Variants in PCM1 observed in about 807,000 individuals in gnomAD.
PCM1 encodes the protein pericentriolar material 1 protein.
In PCM1, 157 loss-of-function variants were observed where a neutral mutation model predicts 241.9. That is an observed-to-expected ratio of 0.65 (90% CI 0.57 to 0.74). The LOEUF (loss-of-function observed/expected upper bound fraction) is 0.74, where lower values mean the gene tolerates loss of function less well. PCM1 is among the 30% of genes least tolerant of loss of function. The probability of loss-of-function intolerance (pLI) is 0.00; values close to 1 mark genes in which losing one functional copy is unlikely to be tolerated. For missense variants in PCM1, 3,478 were observed against 2,360.1 expected, an observed-to-expected ratio of 1.47 and a Z score of -9.81; for synonymous variants, 1,085 against 784.9, an observed-to-expected ratio of 1.38 and a Z score of -6.39.
At chr8:17,997,922 G>A (rs1305894470) in intron 29 of PCM1, among the ~76,000 whole-genome samples, 4 of 151,296 alleles carry the variant, frequency 2.6e-5, no homozygotes, top group Non-Finnish European at 1.5e-5. Flanking sequence ...TATAATGACA[G>A]CTACTTGGGA....
chr8:17,968,053 G>A (rs1423588902), intron 21 of PCM1, among the ~76,000 whole-genome samples: 10 of 123,928 alleles, frequency 8.1e-5, no homozygotes, highest in African/African-American at 3.7e-4. Flanking sequence ...CAGTTCCGCC[G>A]CCAAAAAAAA....
chr8:18,025,632 GA>G lies in PCM1; in HGVS notation c.6026del (p.Asn2009IlefsTer5), dbSNP rs1256177855. 1 of 1,566,306 alleles carries G rather than the reference GA, an allele frequency of 6.4e-7. No individual in the cohort carries two copies. The highest frequency in any genetic ancestry group is 8.7e-7 in the Non-Finnish European group (1 of 1,153,066). On this transcript the variant is annotated frameshift_variant, in exon 38 of 39. Transcript: ENST00000325083. LOFTEE classifies it high-confidence loss of function. ...ICEMQTEELA[G>X]NSETLKEPET... is the part of the protein sequence containing the mutation. ...GAAATGCAGACCGAAGAATTAGCTG[GA>G]AATTCTGAGACACTAAAAGAACCTG... is the stretch of plus-strand genomic sequence containing the variant.
At chr8:17,993,651 C>G (rs1360576767) in intron 29 of PCM1, 32 bp downstream of exon 29, 2 of 1,529,878 alleles carry the variant, frequency 1.3e-6, no homozygotes, top group Admixed American at 4.0e-5. Flanking sequence ...TAAACGAAAC[C>G]TTCTATGTTT....
chr8:17,941,488 A>G (rs1202381239), intron 6 of PCM1, among the ~76,000 whole-genome samples: 1 of 151,200 alleles, frequency 6.6e-6, no homozygotes, highest in Non-Finnish European at 1.5e-5. Flanking sequence ...AAAAGACTAA[A>G]TATACTGCTG....
chr8:18,003,151 T>C (rs2090172854), intron 29 of PCM1, among the ~76,000 whole-genome samples: 1 of 152,228 alleles, frequency 6.6e-6, no homozygotes, highest in Non-Finnish European at 1.5e-5. Context: ...CATGCTAAAA[T>C]ACAAGATCCA....
At chr8:17,994,635 G>C (rs1034899194) in intron 29 of PCM1, among the ~76,000 whole-genome samples, 8 of 152,184 alleles carry the variant, frequency 5.3e-5, no homozygotes, top group Non-Finnish European at 1.2e-4. Context: ...CAGAGGGGTT[G>C]TACTAATTTA....
chr8:17,994,246 T>C (rs1348814733), intron 29 of PCM1, among the ~76,000 whole-genome samples: 1 of 152,212 alleles, frequency 6.6e-6, no homozygotes, highest in Admixed American at 6.5e-5. Flanking sequence ...TAAATTGTTT[T>C]AATTTTTAGC....
chr8:17,950,811 A>G, intron 8 of PCM1, 87 bp downstream of exon 8: 1 of 762,914 alleles, frequency 1.3e-6, no homozygotes, highest in Non-Finnish European at 2.3e-6. Flanking sequence ...CATACATATC[A>G]CCTGGCATGA....
intron 38 of PCM1, among the ~76,000 whole-genome samples, chr8:18,025,907 G>T (rs1456711973): frequency 6.6e-6 from 1 of 152,022 alleles, no homozygotes; most frequent in African/African-American, 2.4e-5. Context: ...GCTCACGCCT[G>T]TAATCCCAGC....
At position 17,985,544 on chromosome 8, in the gene PCM1, T is replaced by C; in HGVS notation, c.4206T>C (p.Phe1402=). ...LISQNESRPH[F]LIELFHELQL... ...CTCAAAATGAATCTCGTCCACATTT[T>C]CTTATTGAACTCTTCCATGAGCTGC... Residue 1402 remains phenylalanine, a synonymous_variant, in exon 25 of 39, where the codon TTT becomes TTC. Coordinates refer to ENST00000325083, the MANE Select transcript of PCM1 (RefSeq NM_006197.4). The C allele has an allele frequency of 6.2e-7, 1 of 1,600,404 alleles. No homozygotes were observed. Among genetic ancestry groups the C allele is most frequent in the Non-Finnish European group, 8.5e-7 (1 of 1,172,170 alleles).
At position 18,011,262 on chromosome 8, in the gene PCM1, A is replaced by T. The variant is rs555034071; in HGVS notation, c.5246A>T (p.Lys1749Met). The T allele has an allele frequency of 6.2e-5, 99 of 1,606,332 alleles. 1 individual carries two copies. In the South Asian group the frequency reaches 1.1e-3, roughly 18 times the overall value. Residue 1749 changes from lysine to methionine, a missense_variant, in exon 33 of 39, where the codon AAG becomes ATG. Physicochemically the swap from Lys to Met is moderately conservative, Grantham distance 95 (BLOSUM62 -1). Transcript: ENST00000325083. Reference sequence around the variant, plus strand: ...GACAAGGATGAAACTGAAACAGTTAAGCAGACTCAAACATCTGAGGTGTAT... The same window carrying T: ...GACAAGGATGAAACTGAAACAGTTATGCAGACTCAAACATCTGAGGTGTAT... ...DKDKDETETV[K>M]QTQTSEVYDG... is the part of the protein sequence containing the mutation.
At position 17,995,527 on chromosome 8, in the gene PCM1, C is replaced by G. The variant is rs187760178; in HGVS notation, c.4827+1908C>G. The stretch of plus-strand genomic sequence containing the variant: ...GATTCTTCCAGTTTTGTTCTTTTTG[C>G]TCAAGATAGCTTTGGCTGTTCTGAG... On this transcript the variant is annotated intron_variant, in intron 29 of 38. Coordinates refer to ENST00000325083, the MANE Select transcript of PCM1 (RefSeq NM_006197.4). Among the ~76,000 whole-genome samples the G allele has an allele frequency of 3.4e-4, 52 of 151,440 alleles. 1 individual carries two copies. The East Asian group carries it at 6.2e-3, about 18-fold the overall frequency.
chr8:18,007,062 A>G (rs1219307862), intron 30 of PCM1, among the ~76,000 whole-genome samples: 1 of 152,216 alleles, frequency 6.6e-6, no homozygotes. Context: ...AGGTTGAGAA[A>G]TCCCATGTTA....
intron 23 of PCM1, among the ~76,000 whole-genome samples, chr8:17,979,066 A>G (rs1216285476): frequency 1.3e-5 from 2 of 151,778 alleles, no homozygotes; most frequent in Non-Finnish European, 2.9e-5. Flanking sequence ...GGAGTTTGCA[A>G]TGAGCCAAGA....
chr8:17,969,550 C>T (rs769799943), intron 21 of PCM1, 27 bp from the exon 22 acceptor site: 202 of 1,464,720 alleles, frequency 1.4e-4, no homozygotes, highest in East Asian at 3.4e-4. Context: ...ATTTATTTTT[C>T]TCTTACCCAT....
rs369538919 is a variant in PCM1 at position 17,980,732 on chromosome 8, A to G, written c.4085A>G (p.Asn1362Ser). 4.4e-5 allele frequency: 71 copies of G among 1,610,390 alleles called. No individual in the cohort carries two copies. The highest frequency in any genetic ancestry group is 5.9e-5 in the Non-Finnish European group (69 of 1,178,886). The change falls in exon 24 of 39, where the codon AAT (asparagine) becomes AGT (serine). Residue 1362 changes from asparagine to serine, a missense_variant. Transcript: ENST00000325083. ...HEQLEKIIKC[N>S]RSTEISSETG... is the part of the protein sequence containing the mutation. ...CAACTGGAAAAAATAATAAAATGTA[A>G]TAGGTCTACAGAAATATCTTCAGGT...
chr8:17,951,745 G>C (rs996076763), intron 8 of PCM1, among the ~76,000 whole-genome samples: 2 of 152,156 alleles, frequency 1.3e-5, no homozygotes, highest in African/African-American at 4.8e-5. Flanking sequence ...TACCTTTGGA[G>C]TGGGTAATGA....
At chr8:17,980,251 G>T (rs1048555833) in intron 23 of PCM1, 5 of 173,410 alleles carry the variant, frequency 2.9e-5, no homozygotes, top group African/African-American at 1.2e-4. Flanking sequence ...GTATATATCG[G>T]ATGTGATTCT....
chr8:18,026,402 C>T lies in PCM1; in HGVS notation c.6049+744C>T, dbSNP rs939949367. Among the ~76,000 whole-genome samples, 10 of 150,236 alleles carry T rather than the reference C, an allele frequency of 6.7e-5. No individual in the cohort carries two copies. The East Asian group carries it at 8.2e-4, about 12-fold the overall frequency. On this transcript the variant is annotated intron_variant, in intron 38 of 38. Coordinates refer to ENST00000325083, the MANE Select transcript of PCM1 (RefSeq NM_006197.4). ...CCTCCCAAGTAGCTGGGACTACAGG[C>T]GCCCGCCACCACGCCTGGCTGATTT...
Sources: allele counts gnomAD v4.1 joint callset (sites outside exome capture counted in the v4.1 genomes callset), GRCh38; gene constraint gnomAD v4.1.1; transcripts MANE v1.5; gene names NCBI Gene and HGNC (gene_info 2026-07-23, HGNC 2026-07-21).